The following TEC variants were observed in gnomAD, a reference collection of about 807,000 sequenced individuals.
The protein encoded by TEC is tyrosine-protein kinase Tec.
In TEC, 72 loss-of-function variants were observed where a neutral mutation model predicts 93.0. The observed-to-expected ratio is 0.77, with a 90% CI of 0.64 to 0.94. The LOEUF (loss-of-function observed/expected upper bound fraction) is 0.94. Among genes scored for constraint, TEC ranks in the 40% least tolerant of loss-of-function variants. TEC has a pLI of 0.00. For synonymous variants in TEC, 249 were observed against 247.7 expected (o/e 1.01, Z -0.05); for missense variants, 630 against 757.9 (o/e 0.83, Z 1.98).
chr4:48,154,370 CACTT>C (rs1320039076), intron 9 of TEC, among the ~76,000 whole-genome samples: 1 of 152,210 alleles, frequency 6.6e-6, no homozygotes, highest in East Asian at 1.9e-4. Context: ...ACCTTCTTGA[CACTT>C]GCTTGACTTG....
chr4:48,244,294 G>A (rs1293276043), intron 1 of TEC, among the ~76,000 whole-genome samples: 2 of 152,140 alleles, frequency 1.3e-5, no homozygotes, highest in African/African-American at 2.4e-5. Flanking sequence ...AATTTACAAA[G>A]GAAAGAGGTT....
At chr4:48,167,248 TAC>T (rs1277042909) in intron 7 of TEC, among the ~76,000 whole-genome samples, 1 of 152,096 alleles carries the variant, frequency 6.6e-6, no homozygotes, top group Non-Finnish European at 1.5e-5. Context: ...TATATATACA[TAC>T]ACAAACACAT....
Position 48,167,702 on chromosome 4 carries a change from C to T in TEC, c.671+76G>A, listed in dbSNP as rs12507731. 2,692 of 1,384,560 alleles carry T rather than the reference C, an allele frequency of 1.9e-3. 52 individuals are homozygous for T. In the Admixed American group the frequency reaches 0.038, roughly 20 times the overall value. 85.8% of individuals were successfully genotyped at this position (1,384,560 alleles called of 1,614,324 possible). On this transcript the variant is annotated intron_variant, in intron 7 of 17. Transcript: ENST00000381501. ...AATTAGTCTCATTACACGATAGTTA[C>T]GACTTATCTACTTCTCACTCAACAC...
intron 2 of TEC, among the ~76,000 whole-genome samples, chr4:48,226,784 G>T (rs1003408807): frequency 6.6e-6 from 1 of 152,032 alleles, no homozygotes; most frequent in Non-Finnish European, 1.5e-5. Flanking sequence ...ATTGACAAGA[G>T]TCAACTATAT....
At chr4:48,211,133 A>G (rs1245221335) in intron 2 of TEC, among the ~76,000 whole-genome samples, 1 of 152,206 alleles carries the variant, frequency 6.6e-6, no homozygotes, top group Non-Finnish European at 1.5e-5. Flanking sequence ...TAGAATTTGA[A>G]CCCAGATAAT....
At chr4:48,163,304 T>C (rs963535007) in intron 8 of TEC, among the ~76,000 whole-genome samples, 2 of 152,198 alleles carry the variant, frequency 1.3e-5, no homozygotes, top group Admixed American at 6.5e-5. Context: ...AAAGGAAATA[T>C]ACTAATGCTG....
At chr4:48,255,324 C>T (rs1724313779) in intron 1 of TEC, among the ~76,000 whole-genome samples, 1 of 152,126 alleles carries the variant, frequency 6.6e-6, no homozygotes, top group Non-Finnish European at 1.5e-5. Flanking sequence ...CTCCCCCTTT[C>T]CTAAATGCCA....
At chr4:48,137,886 C>G (rs1719498502) in intron 17 of TEC, among the ~76,000 whole-genome samples, 1 of 152,212 alleles carries the variant, frequency 6.6e-6, no homozygotes, top group Admixed American at 6.5e-5. Context: ...CACTGTTGTG[C>G]ACACTGTGTT....
intron 2 of TEC, among the ~76,000 whole-genome samples, chr4:48,218,723 T>C (rs1723156687): frequency 6.6e-6 from 1 of 151,982 alleles, no homozygotes; most frequent in South Asian, 2.1e-4. Flanking sequence ...TATCACTAAG[T>C]CTCCAGGTTC....
Position 48,171,949 on chromosome 4 carries a change from A to G in TEC, c.244-500T>C, listed in dbSNP as rs77633024. 7.2e-3 allele frequency among the ~76,000 whole-genome samples: 1,090 copies of G among 152,320 alleles called. 15 individuals are homozygous for G. The highest frequency in any genetic ancestry group is 0.025 in the African/African-American group (1,027 of 41,560). On this transcript the variant is annotated intron_variant, in intron 3 of 17. Transcript: ENST00000381501. ...AGGTACGAGTTTTTCTATTTTATAA[A>G]TGAGAAAATAAAGGCCTACCCAGGC...
rs184847029 is a variant in TEC, at chr4:48,257,956, T to C, written c.-46+11796A>G. ...CTTAGATGCTGAAGCAACATGAAAATGGGTAAAACTGGCATTTAATGAATT... is the reference window on the plus strand; with the variant it reads ...CTTAGATGCTGAAGCAACATGAAAACGGGTAAAACTGGCATTTAATGAATT... On this transcript the variant is annotated intron_variant, in intron 1 of 17. Coordinates refer to ENST00000381501, the MANE Select transcript of TEC (RefSeq NM_003215.3). 5.3e-5 allele frequency among the ~76,000 whole-genome samples: 8 copies of C among 152,184 alleles called. No individual in the cohort carries two copies. In the East Asian group the frequency reaches 1.5e-3, roughly 29 times the overall value.
intron 2 of TEC, among the ~76,000 whole-genome samples, chr4:48,182,452 G>A (rs1301681618): frequency 2.0e-5 from 3 of 151,756 alleles, no homozygotes; most frequent in Admixed American, 2.0e-4. Flanking sequence ...TGAATCTGCC[G>A]AGCTAAGAAG....
intron 2 of TEC, among the ~76,000 whole-genome samples, chr4:48,202,346 A>T (rs1020411138): frequency 6.6e-6 from 1 of 152,074 alleles, no homozygotes; most frequent in African/African-American, 2.4e-5. Flanking sequence ...TGAGCAGATC[A>T]CTTGAGGTCA....
At chr4:48,218,368 A>G (rs1723145529) in intron 2 of TEC, among the ~76,000 whole-genome samples, 1 of 152,178 alleles carries the variant, frequency 6.6e-6, no homozygotes, top group African/African-American at 2.4e-5. Flanking sequence ...TATGTTGCCC[A>G]GGCTGGTCTC....
chr4:48,218,074 T>C (rs1354286541), intron 2 of TEC, among the ~76,000 whole-genome samples: 1 of 151,786 alleles, frequency 6.6e-6, no homozygotes, highest in Admixed American at 6.6e-5. Flanking sequence ...AAGTGATTAA[T>C]GACAAGAAAG....
chr4:48,153,113 T>C (rs2109520143), intron 9 of TEC, among the ~76,000 whole-genome samples: 1 of 152,260 alleles, frequency 6.6e-6, no homozygotes, highest in African/African-American at 2.4e-5. Flanking sequence ...GTATAGCAAT[T>C]TCAGCACATT....
rs1161019348 is a variant in TEC, at chr4:48,167,947, G to T, written c.502C>A (p.Pro168Thr). Residue 168 changes from proline (P) to threonine (T), a missense_variant, in exon 7 of 18, where the codon CCT becomes ACT. This residue lies in a region of TEC where 335 missense variants were observed against 351.5 expected (regional missense o/e 0.95). Transcript: ENST00000381501. ...PPAPETKKRR[P>T]PPPIPLEEED... Reference sequence around the variant, plus strand: ...TCTTCTAGTGGAATTGGTGGGGGAGGCCTTCGCTAGACAAGGAAGATAACA... The same window carrying T: ...TCTTCTAGTGGAATTGGTGGGGGAGTCCTTCGCTAGACAAGGAAGATAACA... 2.5e-6 allele frequency: 4 copies of T among 1,613,496 alleles called. No homozygotes were observed. Among genetic ancestry groups the T allele is most frequent in the Non-Finnish European group, 3.4e-6 (4 of 1,179,752 alleles).
chr4:48,213,821 T>C (rs1399005116), intron 2 of TEC, among the ~76,000 whole-genome samples: 3 of 152,176 alleles, frequency 2.0e-5, no homozygotes, highest in African/African-American at 7.2e-5. Flanking sequence ...AGTCTTGCTA[T>C]GTTGCCCAGG....
rs146465766 is a variant in TEC, at chr4:48,160,561, T to C, written c.737+3141A>G. On this transcript the variant is annotated intron_variant, in intron 8 of 17. Coordinates refer to ENST00000381501, the MANE Select transcript of TEC (RefSeq NM_003215.3). ...GGCCAACATATTGAAACCCTGTCTC[T>C]ACTAAAAATACAAAAATGAGCTGGG... Among the ~76,000 whole-genome samples, 382 of 151,970 alleles carry C rather than the reference T, an allele frequency of 2.5e-3. 1 individual carries two copies. The highest frequency in any genetic ancestry group is 8.4e-3 in the African/African-American group (348 of 41,478).
Sources: allele counts gnomAD v4.1 joint callset (sites outside exome capture counted in the v4.1 genomes callset), GRCh38; gene constraint gnomAD v4.1.1; regional missense constraint gnomAD v4.1.1; transcripts MANE v1.5; gene names NCBI Gene and HGNC (gene_info 2026-07-23, HGNC 2026-07-21).